PI4KA: variants seen among roughly 807,000 people sequenced by gnomAD.
PI4KA encodes PI4-kinase alpha.
In PI4KA, 122 loss-of-function variants were observed where a neutral mutation model predicts 271.4. That is an observed-to-expected ratio of 0.45 (90% confidence interval 0.39 to 0.52). The LOEUF (loss-of-function observed/expected upper bound fraction) is 0.52, where lower values mean the gene tolerates loss of function less well. Among genes scored for constraint, PI4KA ranks in the 20% least tolerant of loss-of-function variants. The pLI is 0.00. For synonymous variants in PI4KA, 1,041 were observed against 1,078.8 expected (o/e 0.96, Z 0.69); for missense variants, 1,969 against 2,769.1 (o/e 0.71, Z 6.48).
At chr22:20,735,046 G>C (rs565130085) in intron 32 of PI4KA, among the ~76,000 whole-genome samples, 24 of 152,138 alleles carry the variant, frequency 1.6e-4, no homozygotes, top group East Asian at 9.7e-4. Context: ...CCATGGAGCC[G>C]AGGCGAGCCT....
chr22:20,784,355 C>T, intron 19 of PI4KA: 1 of 1,425,596 alleles, frequency 7.0e-7, no homozygotes, highest in Non-Finnish European at 9.7e-7. Flanking sequence ...TACAAGTACC[C>T]AAGAACTTCC....
Position 20,799,684 on chromosome 22 carries a change from G to A in PI4KA, c.1807C>T (p.Gln603Ter). The A allele has an allele frequency of 6.4e-7, 1 of 1,550,876 alleles. No homozygotes were observed. The change falls in exon 15 of 55, where the codon CAG (glutamine) becomes TAG (stop). Residue 603 changes from glutamine (Q) to a stop codon, truncating the protein, a stop_gained. Coordinates refer to ENST00000255882, the MANE Select transcript of PI4KA (RefSeq NM_058004.4). LOFTEE classifies it high-confidence loss of function. ...ATAGGGGCGTACTTGTCGCTCTCCTGAGAGATGTAGAGCCGGTTGGACAGG... is the reference window on the plus strand; with the variant it reads ...ATAGGGGCGTACTTGTCGCTCTCCTAAGAGATGTAGAGCCGGTTGGACAGG... Reference protein sequence around the residue: ...ASLSNRLYISQESDKDAHLIP... With the variant: ...ASLSNRLYIS
In PI4KA at chr22:20,714,458, C is replaced by T. The variant is rs1291235638; in HGVS notation, c.5461G>A (p.Gly1821Ser). Reference sequence around the variant, plus strand: ...AACAAAATCAGGGTTCTTTACTGACCTTCTTTTTCAAGTTCACTAACTCCA... The same window carrying T: ...AACAAAATCAGGGTTCTTTACTGACTTTCTTTTTCAAGTTCACTAACTCCA... ...RCGVSELEKE[G>S]LRCRSDSEDE... Residue 1821 changes from glycine (G) to serine (S), a missense_variant and splice_region_variant, in exon 47 of 55, where the codon GGT becomes AGT. By Grantham distance (56) the Gly-to-Ser change is moderately conservative (BLOSUM62 0). Transcript: ENST00000255882. The T allele has an allele frequency of 6.2e-7, 1 of 1,610,184 alleles. No individual in the cohort carries two copies. Among genetic ancestry groups the T allele is most frequent in the East Asian group, 2.2e-5 (1 of 44,782 alleles).
At chr22:20,721,780 G>C in intron 42 of PI4KA, 1 of 217,880 alleles carries the variant, frequency 4.6e-6, no homozygotes, top group South Asian at 9.6e-5. Flanking sequence ...TGGTTGTTTA[G>C]AACAATGTTC....
At chr22:20,742,152 T>C in intron 32 of PI4KA, 76 bp downstream of exon 32, 1 of 1,491,424 alleles carries the variant, frequency 6.7e-7, no homozygotes, top group Non-Finnish European at 9.2e-7. Flanking sequence ...TGCTTGGTGG[T>C]GGCGGCACCA....
rs369275562 is a variant in PI4KA, at chr22:20,714,719, A to G, written c.5318-19T>C. Reference sequence around the variant, plus strand: ...TAGCAGCCTGTGCAGGGACAGAGGCAGTCACAGGGAGTGCATGTGTCACCA... The same window carrying G: ...TAGCAGCCTGTGCAGGGACAGAGGCGGTCACAGGGAGTGCATGTGTCACCA... On this transcript the variant is annotated intron_variant, in intron 45 of 54. Coordinates refer to ENST00000255882, the MANE Select transcript of PI4KA (RefSeq NM_058004.4). The G allele has an allele frequency of 6.2e-7, 1 of 1,611,058 alleles. No individual in the cohort carries two copies. Among genetic ancestry groups the G allele is most frequent in the African/African-American group, 1.3e-5 (1 of 74,992 alleles).
At chr22:20,762,889 G>A (rs1378846455) in intron 22 of PI4KA, among the ~76,000 whole-genome samples, 1 of 152,082 alleles carries the variant, frequency 6.6e-6, no homozygotes, top group Non-Finnish European at 1.5e-5. Flanking sequence ...AGAGTGCAGT[G>A]GTTTGATCAT....
intron 14 of PI4KA, 62 bp downstream of exon 14, chr22:20,801,911 T>C: frequency 6.4e-7 from 1 of 1,574,024 alleles, no homozygotes; most frequent in Non-Finnish European, 8.7e-7. Context: ...ATGTCTCTTA[T>C]TTTGTAATAA....
In PI4KA at chr22:20,742,792, A is replaced by G. The variant is rs544758893; in HGVS notation, c.3457-28T>C. The G allele has an allele frequency of 2.7e-4, 435 of 1,612,228 alleles. 3 individuals are homozygous for G. In the South Asian group the frequency reaches 4.3e-3, roughly 16 times the overall value. ...GCAAAAACATTCTCATCAGCAACTAAGCATATAATCCAGGCAATGTGGGTA... is the reference window on the plus strand; with the variant it reads ...GCAAAAACATTCTCATCAGCAACTAGGCATATAATCCAGGCAATGTGGGTA... On this transcript the variant is annotated intron_variant, in intron 30 of 54. Coordinates refer to ENST00000255882, the MANE Select transcript of PI4KA (RefSeq NM_058004.4).
Position 20,729,872 on chromosome 22 carries a change from G to A in PI4KA, c.4408+20C>T. ...TGATAGCTTGCATGTGATGGCCCCAGCAGCACACCTCCCACCGACCTGATT... is the reference window on the plus strand; with the variant it reads ...TGATAGCTTGCATGTGATGGCCCCAACAGCACACCTCCCACCGACCTGATT... On this transcript the variant is annotated intron_variant, in intron 37 of 54. Transcript: ENST00000255882. 1 of 1,613,876 alleles carries A rather than the reference G, an allele frequency of 6.2e-7. No homozygotes were observed. The highest frequency in any genetic ancestry group is 8.5e-7 in the Non-Finnish European group (1 of 1,179,864).
chr22:20,786,227 C>T, intron 19 of PI4KA: 1 of 1,480,146 alleles, frequency 6.8e-7, no homozygotes, highest in Non-Finnish European at 9.4e-7. Flanking sequence ...GCCCTTCCTA[C>T]CCACCCCCCA....
intron 1 of PI4KA, among the ~76,000 whole-genome samples, chr22:20,853,053 A>G (rs1927181283): frequency 6.6e-6 from 1 of 152,196 alleles, no homozygotes; most frequent in Non-Finnish European, 1.5e-5. Context: ...CCTGGGCAAA[A>G]TGGTGAGACT....
At chr22:20,777,590 G>C (rs1354781875) in intron 19 of PI4KA, among the ~76,000 whole-genome samples, 1 of 152,210 alleles carries the variant, frequency 6.6e-6, no homozygotes, top group African/African-American at 2.4e-5. Flanking sequence ...CTGGGCTCAA[G>C]TGATCTTCCT....
chr22:20,834,679 T>A (rs375637728), intron 2 of PI4KA, 24 bp from the exon 3 acceptor site: 165 of 1,433,602 alleles, frequency 1.2e-4, no homozygotes, highest in Non-Finnish European at 1.5e-4. Flanking sequence ...AGAAGAATAA[T>A]AAATTAGATT....
At chr22:20,731,839 G>A (rs1928093304) in intron 36 of PI4KA, among the ~76,000 whole-genome samples, 1 of 152,070 alleles carries the variant, frequency 6.6e-6, no homozygotes, top group Non-Finnish European at 1.5e-5. Context: ...TGAAGCAGGA[G>A]AATGGTGTGA....
chr22:20,782,661 T>TC (rs1198955539), intron 19 of PI4KA, among the ~76,000 whole-genome samples: 2 of 152,138 alleles, frequency 1.3e-5, no homozygotes, highest in African/African-American at 4.8e-5. Flanking sequence ...AGCAATTTTG[T>TC]CCCCAAGGTC....
chr22:20,767,253 T>C (rs1351236012), intron 19 of PI4KA, among the ~76,000 whole-genome samples: 9 of 152,066 alleles, frequency 5.9e-5, no homozygotes, highest in Non-Finnish European at 8.8e-5. Flanking sequence ...CCATTCTGGC[T>C]AACAGGGTGA....
rs1437652297 is a variant in PI4KA at position 20,838,621 on chromosome 22, A to T, written c.267T>A (p.Asp89Glu). The T allele has an allele frequency of 6.3e-7, 1 of 1,578,746 alleles. No homozygotes were observed. Among genetic ancestry groups the T allele is most frequent in the African/African-American group, 1.3e-5 (1 of 74,214 alleles). The change falls in exon 2 of 55, where the codon GAT becomes GAA. Residue 89 changes from aspartate to glutamate, a missense_variant. Physicochemically the swap from Asp to Glu is conservative, Grantham distance 45 (BLOSUM62 2). This residue lies in a region of PI4KA where 540 missense variants were observed against 555.5 expected (regional missense o/e 0.97). Coordinates refer to ENST00000255882, the MANE Select transcript of PI4KA (RefSeq NM_058004.4). ...IALGIFLIES[D>E]LQHKDCVVPY... ...TAATTTCATGAAGACTTACCTGAAG[A>T]TCAGATTCAATCAGAAAAATGCCCA...
chr22:20,711,494 C>G (rs1601306664), intron 50 of PI4KA, 33 bp from the exon 51 acceptor site: 1 of 1,234,194 alleles, frequency 8.1e-7, no homozygotes, highest in Non-Finnish European at 1.2e-6. Context: ...TCAAAAAGGC[C>G]CTGGGGCCTG....
Sources: allele counts gnomAD v4.1 joint callset (sites outside exome capture counted in the v4.1 genomes callset), GRCh38; gene constraint gnomAD v4.1.1; regional missense constraint gnomAD v4.1.1; transcripts MANE v1.5; gene names NCBI Gene and HGNC (gene_info 2026-07-23, HGNC 2026-07-21).